The following TENM1 variants were observed in gnomAD, a reference collection of about 807,000 sequenced individuals.
The protein encoded by TENM1 is teneurin-1.
In TENM1, 35 loss-of-function variants were observed where a neutral mutation model predicts 174.8. That is an observed-to-expected ratio of 0.20 (90% CI 0.15 to 0.27). The LOEUF (loss-of-function observed/expected upper bound fraction) is 0.27. Ranked by LOEUF, TENM1 falls within the 10% of genes least tolerant of loss-of-function variation. TENM1 has a pLI of 1.00. For missense variants in TENM1, 1,633 were observed against 2,130.1 expected, an observed-to-expected ratio of 0.77 and a Z score of 4.59; for synonymous variants, 781 against 798.7, an observed-to-expected ratio of 0.98 and a Z score of 0.37.
intron 1 of TENM1, among the ~76,000 whole-genome samples, chrX:124,941,569 C>T (rs750068772): frequency 4.5e-5 from 5 of 111,934 alleles, no homozygotes; most frequent in African/African-American, 6.5e-5. Flanking sequence ...ATTTTCTAGC[C>T]CCAGTACTCC....
chrX:124,732,454 C>T (rs1216035052), intron 4 of TENM1, among the ~76,000 whole-genome samples: 1 of 112,008 alleles, frequency 8.9e-6, no homozygotes, highest in African/African-American at 3.3e-5. Context: ...GGTCCTTCCT[C>T]AAGGGACAAC....
At chrX:124,485,115 C>T (rs1257137579) in intron 21 of TENM1, among the ~76,000 whole-genome samples, 1 of 111,552 alleles carries the variant, frequency 9.0e-6, no homozygotes, top group Admixed American at 9.5e-5. Flanking sequence ...ATTATATTTG[C>T]CCTCCAAGCA....
intron 3 of TENM1, among the ~76,000 whole-genome samples, chrX:124,757,686 G>C (rs896698471): frequency 2.5e-4 from 28 of 112,427 alleles, no homozygotes; most frequent in Non-Finnish European, 1.9e-5. Flanking sequence ...TAAATACATA[G>C]TGTAGCACTT....
At chrX:124,529,296 G>A (rs1602605712) in intron 16 of TENM1, among the ~76,000 whole-genome samples, 1 of 111,880 alleles carries the variant, frequency 8.9e-6, no homozygotes, top group Non-Finnish European at 1.9e-5. Context: ...TTACTTCAAG[G>A]TCTTGCTTCT....
At chrX:124,960,905 C>T (rs772720761) in intron 1 of TENM1, among the ~76,000 whole-genome samples, 6 of 111,082 alleles carry the variant, frequency 5.4e-5, no homozygotes, top group South Asian at 3.8e-4. Flanking sequence ...TATTTTAGAA[C>T]GAACTTACAT....
Position 124,943,055 on chromosome X carries a change from G to T in TENM1, c.217+20482C>A, listed in dbSNP as rs765852876. ...CGAAGATTCTCTCTAGAGGCAGAAGGGAGGGCTGTACATTTCAAATTATTT... is the reference window on the plus strand; with the variant it reads ...CGAAGATTCTCTCTAGAGGCAGAAGTGAGGGCTGTACATTTCAAATTATTT... On this transcript the variant is annotated intron_variant, in intron 1 of 31. Transcript: ENST00000422452. 1.1e-4 allele frequency among the ~76,000 whole-genome samples: 12 copies of T among 111,405 alleles called. No individual in the cohort carries two copies. In the South Asian group the frequency reaches 3.8e-3, roughly 35 times the overall value.
intron 17 of TENM1, among the ~76,000 whole-genome samples, chrX:124,522,510 A>C (rs1299642992): frequency 9.0e-6 from 1 of 110,568 alleles, no homozygotes; most frequent in African/African-American, 3.3e-5. Context: ...ATCGAGGTTC[A>C]AAAATGTCTT....
the TENM1 span, among the ~76,000 whole-genome samples, chrX:125,044,217 A>T: frequency 2.1e-5 from 2 of 97,321 alleles, no homozygotes; most frequent in Non-Finnish European, 3.9e-5. Flanking sequence ...AAAAATAAAA[A>T]AAAAATAAAA....
chrX:124,886,546 T>G (rs61597263), intron 3 of TENM1, among the ~76,000 whole-genome samples: 19,308 of 75,265 alleles, frequency 0.26, 2,549 homozygotes, highest in African/African-American at 0.36. Flanking sequence ...TATATATATA[T>G]ATAGAGAGAG....
intron 11 of TENM1, among the ~76,000 whole-genome samples, chrX:124,639,916 C>T (rs2050970558): frequency 9.1e-6 from 1 of 110,102 alleles, no homozygotes; most frequent in Admixed American, 9.7e-5. Flanking sequence ...AGAAACTTTC[C>T]CTTTGTAACC....
intron 4 of TENM1, among the ~76,000 whole-genome samples, chrX:124,736,257 TTTC>T (rs2053668582): frequency 1.8e-5 from 2 of 112,073 alleles, no homozygotes; most frequent in Admixed American, 9.4e-5. Flanking sequence ...TGATGAATAA[TTTC>T]TTTATTAATT....
the TENM1 span, among the ~76,000 whole-genome samples, chrX:125,048,438 T>A: frequency 1.8e-5 from 2 of 109,963 alleles, no homozygotes; most frequent in Admixed American, 9.8e-5. Context: ...CCAAGCAATT[T>A]TTAAAGGGAA....
the TENM1 span, among the ~76,000 whole-genome samples, chrX:125,068,238 G>T: frequency 9.0e-6 from 1 of 111,054 alleles, no homozygotes; most frequent in African/African-American, 3.3e-5. Flanking sequence ...CCCTAATTAG[G>T]CCTGGCCTGG....
the TENM1 span, among the ~76,000 whole-genome samples, chrX:125,163,036 C>T: frequency 2.7e-5 from 3 of 111,630 alleles, no homozygotes; most frequent in South Asian, 7.6e-4. Flanking sequence ...GCTGCCCCCG[C>T]TGCCACCACT....
intron 3 of TENM1, among the ~76,000 whole-genome samples, chrX:124,769,147 T>C (rs2054596843): frequency 8.9e-6 from 1 of 112,077 alleles, no homozygotes; most frequent in South Asian, 3.7e-4. Context: ...AAACATACTT[T>C]GTCATCTGAT....
the TENM1 span, among the ~76,000 whole-genome samples, chrX:124,979,779 T>C: frequency 6.4e-5 from 7 of 109,619 alleles, no homozygotes; most frequent in Non-Finnish European, 1.3e-4. Flanking sequence ...AAAGAAAAAA[T>C]AAAAGAAGGA....
the TENM1 span, among the ~76,000 whole-genome samples, chrX:125,025,554 C>A: frequency 9.0e-6 from 1 of 111,288 alleles, no homozygotes; most frequent in South Asian, 3.8e-4. Flanking sequence ...CAGAAGCATG[C>A]GGTGTTACCC....
intron 1 of TENM1, among the ~76,000 whole-genome samples, chrX:124,936,364 TCTTC>T (rs2058244142): frequency 8.9e-6 from 1 of 111,735 alleles, no homozygotes; most frequent in Non-Finnish European, 1.9e-5. Context: ...CATGCTCCGC[TCTTC>T]CTTATCCTTC....
rs1202109466 is a variant in TENM1 at position 124,581,060 on chromosome X, C to CTTT, written c.2078-15503_2078-15501dup. On this transcript the variant is annotated intron_variant, in intron 11 of 31. Coordinates refer to ENST00000422452, the Ensembl canonical transcript of TENM1. ...TGGCTACAAAGAACAATACTTAGTT[C>CTTT]TTTTTTTTTTTTTTTTTTTTTTGAG... Among the ~76,000 whole-genome samples the CTTT allele has an allele frequency of 1.6e-3, 101 of 63,907 alleles. 1 individual carries two copies. Among genetic ancestry groups the CTTT allele is most frequent in the Non-Finnish European group, 2.1e-3 (77 of 36,661 alleles). 55.5% of individuals were successfully genotyped at this position (63,907 alleles called of 115,157 possible).
Sources: gnomAD v4.1 joint callset for allele counts (sites outside exome capture counted in the v4.1 genomes callset) on GRCh38, gnomAD v4.1.1 for gene constraint, MANE v1.5 for transcripts, NCBI Gene and HGNC (gene_info 2026-07-23, HGNC 2026-07-21) for gene names.